UBE2H: variants seen among roughly 807,000 people sequenced by gnomAD.
UBE2H encodes the protein ubiquitin conjugating enzyme E2 H, also known as ubiquitin-conjugating enzyme E2 H.
A neutral mutation model predicts 29.0 loss-of-function variants in UBE2H; 3 were observed. The ratio of observed to expected loss-of-function variants is 0.10; its 90% confidence interval spans 0.05 to 0.27. The LOEUF is 0.27. Ranked by LOEUF, UBE2H falls within the 10% of genes least tolerant of loss-of-function variation. The pLI is 1.00. For missense variants in UBE2H, 68 were observed against 228.2 expected (o/e 0.30, Z 4.52); for synonymous variants, 69 against 82.9 (o/e 0.83, Z 0.91).
intron 1 of UBE2H, among the ~76,000 whole-genome samples, chr7:129,944,748 A>ACGCACGCACGCACG (rs1554441932): frequency 2.9e-5 from 4 of 140,040 alleles, no homozygotes; most frequent in African/African-American, 5.4e-5. Context: ...ACACACACAC[A>ACGCACGCACGCACG]CACGCACGCA....
chr7:129,896,961 G>A (rs1050435161), intron 1 of UBE2H, among the ~76,000 whole-genome samples: 7 of 152,022 alleles, frequency 4.6e-5, no homozygotes, highest in African/African-American at 1.2e-4. Flanking sequence ...ACCAAGCTGC[G>A]GTACCCATTC....
chr7:129,946,057 A>AT (rs1032765802), intron 1 of UBE2H, among the ~76,000 whole-genome samples: 6 of 11,778 alleles, frequency 5.1e-4, no homozygotes, highest in African/African-American at 1.6e-3. Context: ...AGTCATTATT[A>AT]TTTTTTTTTT....
chr7:129,854,068 T>TTTTTTTTTTA (rs1554430951), intron 5 of UBE2H, among the ~76,000 whole-genome samples: 7 of 148,700 alleles, frequency 4.7e-5, no homozygotes, highest in Non-Finnish European at 7.5e-5. Flanking sequence ...TAGTTTTTTT[T>TTTTTTTTTTA]TTTTTTTTTT....
chr7:129,943,039 CGCCATGTTG>C (rs1807680298), intron 1 of UBE2H, among the ~76,000 whole-genome samples: 1 of 152,002 alleles, frequency 6.6e-6, no homozygotes, highest in Non-Finnish European at 1.5e-5. Context: ...GATGGGGTTT[CGCCATGTTG>C]GCCAGGTTGG....
chr7:129,879,702 A>G, intron 2 of UBE2H, 60 bp from the exon 3 acceptor site: 1 of 1,474,710 alleles, frequency 6.8e-7, no homozygotes, highest in Non-Finnish European at 9.4e-7. Flanking sequence ...AATAAATCTG[A>G]GTGTAAATTA....
chr7:129,941,962 C>T (rs1268906693), intron 1 of UBE2H, among the ~76,000 whole-genome samples: 1 of 152,088 alleles, frequency 6.6e-6, no homozygotes, highest in Non-Finnish European at 1.5e-5. Context: ...GTAATCCCAA[C>T]ACTTTGGGAG....
intron 5 of UBE2H, among the ~76,000 whole-genome samples, chr7:129,856,362 T>G (rs1405018973): frequency 6.6e-6 from 1 of 152,164 alleles, no homozygotes; most frequent in Non-Finnish European, 1.5e-5. Context: ...CATTCATTCT[T>G]TCAACCCATA....
chr7:129,847,687 G>C (rs1400592387), intron 5 of UBE2H, among the ~76,000 whole-genome samples: 1 of 152,198 alleles, frequency 6.6e-6, no homozygotes, highest in African/African-American at 2.4e-5. Context: ...AAAATAAGAA[G>C]TCTATGTTGG....
At chr7:129,838,251 GGAA>G (rs940198999) in intron 6 of UBE2H, among the ~76,000 whole-genome samples, 13 of 152,256 alleles carry the variant, frequency 8.5e-5, no homozygotes, top group Admixed American at 5.2e-4. Context: ...TAGAGACCTT[GGAA>G]GAAGAATTAG....
intron 1 of UBE2H, among the ~76,000 whole-genome samples, chr7:129,924,619 C>CAT (rs1807228342): frequency 7.2e-6 from 1 of 138,304 alleles, no homozygotes. Context: ...TTTACATTCA[C>CAT]ACACACACAC....
chr7:129,859,357 C>T (rs766589163), intron 3 of UBE2H, among the ~76,000 whole-genome samples: 9 of 152,188 alleles, frequency 5.9e-5, no homozygotes, highest in Non-Finnish European at 1.2e-4. Context: ...CTCCTTCTGA[C>T]GCTCACTTAC....
At chr7:129,880,997 C>A in intron 1 of UBE2H, 26 bp from the exon 2 acceptor site, 1 of 1,602,932 alleles carries the variant, frequency 6.2e-7, no homozygotes, top group Admixed American at 1.7e-5. Flanking sequence ...AAGGAAATTA[C>A]ACAGGCTTTA....
chr7:129,853,555 C>T (rs538149311), intron 5 of UBE2H, among the ~76,000 whole-genome samples: 3 of 152,270 alleles, frequency 2.0e-5, no homozygotes, highest in Admixed American at 6.5e-5. Flanking sequence ...AAAATTAATC[C>T]GATTCCTCAC....
chr7:129,925,496 C>G (rs559890346), intron 1 of UBE2H, among the ~76,000 whole-genome samples: 1 of 152,208 alleles, frequency 6.6e-6, no homozygotes, highest in African/African-American at 2.4e-5. Context: ...AAGAAAAAAG[C>G]GAAACAACAT....
chr7:129,882,924 G>A (rs1052248079), intron 1 of UBE2H, among the ~76,000 whole-genome samples: 1 of 152,002 alleles, frequency 6.6e-6, no homozygotes, highest in Non-Finnish European at 1.5e-5. Flanking sequence ...TAGTGTAAAA[G>A]ACAAATGATA....
intron 3 of UBE2H, among the ~76,000 whole-genome samples, chr7:129,859,931 C>G (rs1200905499): frequency 1.3e-5 from 2 of 152,198 alleles, no homozygotes; most frequent in Non-Finnish European, 2.9e-5. Context: ...AGCACCTACA[C>G]CGCAGGCATT....
At chr7:129,856,588 G>A (rs536301201) in intron 5 of UBE2H, among the ~76,000 whole-genome samples, 4 of 152,320 alleles carry the variant, frequency 2.6e-5, no homozygotes, top group South Asian at 2.1e-4. Context: ...GGAAGTATAC[G>A]GGGTAGGAGC....
At chr7:129,892,173 T>G (rs1806507983) in intron 1 of UBE2H, among the ~76,000 whole-genome samples, 1 of 151,932 alleles carries the variant, frequency 6.6e-6, no homozygotes, top group Non-Finnish European at 1.5e-5. Context: ...ATGGTCTCAA[T>G]CTCCTGATCT....
intron 3 of UBE2H, among the ~76,000 whole-genome samples, chr7:129,867,718 GAAAACCA>G (rs1433664998): frequency 1.0e-4 from 2 of 19,654 alleles, no homozygotes; most frequent in East Asian, 2.9e-3. Flanking sequence ...AAAAAAAAAA[GAAAACCA>G]AAAAAAAAAA....
Sources: allele counts gnomAD v4.1 joint callset (sites outside exome capture counted in the v4.1 genomes callset), GRCh38; gene constraint gnomAD v4.1.1; transcripts MANE v1.5; gene names NCBI Gene and HGNC (gene_info 2026-07-23, HGNC 2026-07-21).